Variants in EXOSC10 observed in about 807,000 individuals in gnomAD.
The protein encoded by EXOSC10 is exosome complex component 10.
A neutral mutation model predicts 126.6 loss-of-function variants in EXOSC10; 94 were observed. The observed-to-expected ratio is 0.74, with a 90% confidence interval of 0.63 to 0.88. The LOEUF is 0.88. EXOSC10 is among the 40% of genes least tolerant of loss of function. The probability of loss-of-function intolerance (pLI) is 0.00; values close to 1 mark genes in which losing one functional copy is unlikely to be tolerated. For synonymous variants in EXOSC10, 395 were observed against 400.8 expected (o/e 0.99, Z 0.17); for missense variants, 1,041 against 1,100.5 (o/e 0.95, Z 0.77).
intron 6 of EXOSC10, among the ~76,000 whole-genome samples, chr1:11,090,243 C>T (rs1046361216): frequency 3.9e-5 from 6 of 152,150 alleles, no homozygotes; most frequent in Admixed American, 6.6e-5. Flanking sequence ...GGTGATCCAC[C>T]GGTCTCAGCC....
At chr1:11,089,580 C>T (rs1365331288) in intron 6 of EXOSC10, among the ~76,000 whole-genome samples, 1 of 148,454 alleles carries the variant, frequency 6.7e-6, no homozygotes, top group Non-Finnish European at 1.5e-5. Flanking sequence ...GAGATCGCGC[C>T]ATTGTACTCC....
chr1:11,093,607 T>C (rs1440636099), intron 3 of EXOSC10, among the ~76,000 whole-genome samples: 1 of 152,256 alleles, frequency 6.6e-6, no homozygotes, highest in Non-Finnish European at 1.5e-5. Context: ...AATAACGTTC[T>C]GCCATAGAAT....
chr1:11,094,021 A>C (rs1339908093), intron 3 of EXOSC10, among the ~76,000 whole-genome samples: 1 of 152,194 alleles, frequency 6.6e-6, no homozygotes, highest in Non-Finnish European at 1.5e-5. Flanking sequence ...TCAAGGTTGC[A>C]GTGAGTTATG....
At chr1:11,076,191 A>T (rs1209462791) in intron 17 of EXOSC10, among the ~76,000 whole-genome samples, 2 of 151,734 alleles carry the variant, frequency 1.3e-5, no homozygotes. Context: ...ACAAACAAAA[A>T]AAGTGAAATA....
rs567990526 is a variant in EXOSC10 at position 11,080,897 on chromosome 1, T to C, written c.1453A>G (p.Ile485Val). ...DICLKKFIKPIFTDESYLELY... is the reference protein window; with the variant it reads ...DICLKKFIKPVFTDESYLELY... ...TCAAGGTAGGACTCATCCGTGAAGA[T>C]AGGTTTGATGAATTTCTACAAAGTA... The change falls in exon 12 of 25, where the codon ATC (isoleucine) becomes GTC (valine). Residue 485 changes from isoleucine to valine, a missense_variant. Physicochemically the swap from Ile to Val is conservative, Grantham distance 29. Around this residue, in one of 3 missense-constraint regions of EXOSC10, gnomAD observed 645 missense variants for 656.3 expected, o/e 0.98. Transcript: ENST00000376936. 66 of 1,607,398 alleles carry C rather than the reference T, an allele frequency of 4.1e-5. 1 individual carries two copies. The South Asian group carries it at 4.2e-4, about 10-fold the overall frequency.
chr1:11,087,186 A>G (rs1336145309), intron 9 of EXOSC10, among the ~76,000 whole-genome samples: 2 of 152,226 alleles, frequency 1.3e-5, no homozygotes, highest in East Asian at 3.8e-4. Context: ...ACAGTCATCA[A>G]GTCCAAACAA....
chr1:11,095,510 G>A lies in EXOSC10; in HGVS notation c.372+248C>T, dbSNP rs1641028360. 1.3e-5 allele frequency: 4 copies of A among 300,964 alleles called. No homozygotes were observed. The South Asian group carries it at 1.6e-4, about 12-fold the overall frequency. The allele number at this position is 300,964 out of a possible 1,614,324, so 18.6% of individuals were successfully genotyped here. ...GGGCGGATCACAAGGTCAGGAGATC[G>A]AGACCATCCTGGCTAACACGGTGAA... On this transcript the variant is annotated intron_variant, in intron 3 of 24. Transcript: ENST00000376936.
At chr1:11,085,800 T>C (rs1375578179) in intron 9 of EXOSC10, among the ~76,000 whole-genome samples, 3 of 151,304 alleles carry the variant, frequency 2.0e-5, no homozygotes, top group African/African-American at 4.8e-5. Flanking sequence ...GTCCCATCAA[T>C]ACCTAATTTA....
At chr1:11,091,427 A>T (rs1229610719) in intron 4 of EXOSC10, 66 bp downstream of exon 4, 2 of 1,394,816 alleles carry the variant, frequency 1.4e-6, no homozygotes, top group East Asian at 4.6e-5. Flanking sequence ...AATGCATGTT[A>T]GAATGAGCAA....
chr1:11,080,746 G>C lies in EXOSC10; in HGVS notation c.1586+18C>G. On this transcript the variant is annotated intron_variant, in intron 12 of 24. Transcript: ENST00000376936. ...CTCAGTCTGGAAACAAGTATTAAAAGAACCTCTAATCCCTTACCCGTAACT... is the reference window on the plus strand; with the variant it reads ...CTCAGTCTGGAAACAAGTATTAAAACAACCTCTAATCCCTTACCCGTAACT... 1 of 1,613,592 alleles carries C rather than the reference G, an allele frequency of 6.2e-7. No individual in the cohort carries two copies. The highest frequency in any genetic ancestry group is 1.1e-5 in the South Asian group (1 of 90,940).
Position 11,081,242 on chromosome 1 carries a change from G to A in EXOSC10, c.1281-4C>T, listed in dbSNP as rs893624647. 6.2e-7 allele frequency: 1 copy of A among 1,613,914 alleles called. No homozygotes were observed. Among genetic ancestry groups the A allele is most frequent in the Non-Finnish European group, 8.5e-7 (1 of 1,179,954 alleles). ...GAGCATCTCCTCGGGCAGAGGGCTG[G>A]AATTGCAGAGGACAATGTTTTACTG... is the stretch of plus-strand genomic sequence containing the variant. On this transcript the variant is annotated splice_polypyrimidine_tract_variant and splice_region_variant and intron_variant, in intron 10 of 24. Transcript: ENST00000376936.
intron 9 of EXOSC10, among the ~76,000 whole-genome samples, chr1:11,086,866 A>C (rs1208604478): frequency 2.0e-5 from 3 of 152,234 alleles, no homozygotes; most frequent in African/African-American, 7.2e-5. Context: ...AATAGAAAGC[A>C]GGAAAGATCC....
chr1:11,095,098 G>A (rs1030533939), intron 3 of EXOSC10, among the ~76,000 whole-genome samples: 2 of 151,814 alleles, frequency 1.3e-5, no homozygotes, highest in Non-Finnish European at 2.9e-5. Context: ...TGTAATCCCA[G>A]CTACTCCGGA....
At chr1:11,082,907 C>A in intron 9 of EXOSC10, 29 bp from the exon 10 acceptor site, 1 of 1,571,988 alleles carries the variant, frequency 6.4e-7, no homozygotes, top group Non-Finnish European at 8.8e-7. Flanking sequence ...TCATGCAGTA[C>A]ACTGGTAGCA....
intron 9 of EXOSC10, among the ~76,000 whole-genome samples, chr1:11,083,516 C>T (rs560180464): frequency 4.6e-4 from 62 of 134,404 alleles, no homozygotes; most frequent in Non-Finnish European, 7.9e-4. Context: ...GAGCCGAGAT[C>T]GTACCATTGT....
chr1:11,099,687 G>A (rs781696173), intron 1 of EXOSC10, 34 bp downstream of exon 1: 20 of 1,559,876 alleles, frequency 1.3e-5, no homozygotes, highest in Non-Finnish European at 1.6e-5. Context: ...GGCCGCGGGC[G>A]ACTCCTGGTA....
At chr1:11,071,098 G>A (rs970089013) in intron 20 of EXOSC10, 125 bp from the exon 21 acceptor site, 3 of 748,478 alleles carry the variant, frequency 4.0e-6, no homozygotes, top group Admixed American at 5.0e-5. Context: ...CTCCCTCTCA[G>A]GTCCCCGGTC....
chr1:11,093,178 T>A (rs1045672693), intron 3 of EXOSC10, among the ~76,000 whole-genome samples: 2 of 152,216 alleles, frequency 1.3e-5, no homozygotes, highest in Admixed American at 6.5e-5. Flanking sequence ...GGACAGTAAT[T>A]ACCCATGCCC....
intron 14 of EXOSC10, among the ~76,000 whole-genome samples, chr1:11,078,383 A>G (rs922907116): frequency 6.6e-6 from 1 of 151,082 alleles, no homozygotes; most frequent in African/African-American, 2.4e-5. Context: ...TCAGCCTCCC[A>G]AGTAGCTGGG....
Sources: allele counts gnomAD v4.1 joint callset (sites outside exome capture counted in the v4.1 genomes callset), GRCh38; gene constraint gnomAD v4.1.1; regional missense constraint gnomAD v4.1.1; transcripts MANE v1.5; gene names NCBI Gene and HGNC (gene_info 2026-07-23, HGNC 2026-07-21).